The following TAF2 variants were observed in gnomAD, a reference collection of about 807,000 sequenced individuals.
TAF2 encodes TATA-box binding protein associated factor 2.
In TAF2, 61 loss-of-function variants were observed where a neutral mutation model predicts 138.5. The ratio of observed to expected loss-of-function variants is 0.44; its 90% CI spans 0.36 to 0.54. The LOEUF (loss-of-function observed/expected upper bound fraction) is 0.54. Ranked by LOEUF, TAF2 falls within the 20% of genes least tolerant of loss-of-function variation. TAF2 has a pLI of 0.00. For synonymous variants in TAF2, 475 were observed against 469.9 expected (o/e 1.01, Z -0.14); for missense variants, 1,090 against 1,427.9 (o/e 0.76, Z 3.81).
At chr8:119,806,446 T>A in intron 3 of TAF2, 45 bp from the exon 4 acceptor site, 1 of 1,401,842 alleles carries the variant, frequency 7.1e-7, no homozygotes, top group Non-Finnish European at 9.9e-7. Flanking sequence ...GCCATGTATC[T>A]TACCAAGCAT....
Position 119,794,349 on chromosome 8 carries a change from T to C in TAF2, c.1192-898A>G, listed in dbSNP as rs369187955. ...AGGCAGAGGTTGCAGTGAGCCGAGA[T>C]TGCGCCACTGCACTACAGCCTGAGC... On this transcript the variant is annotated intron_variant, in intron 9 of 25. Transcript: ENST00000378164. Among the ~76,000 whole-genome samples the C allele has an allele frequency of 1.6e-4, 24 of 151,596 alleles. No individual in the cohort carries two copies. The East Asian group carries it at 1.7e-3, about 11-fold the overall frequency.
At chr8:119,805,693 G>A (rs1311678486) in intron 4 of TAF2, among the ~76,000 whole-genome samples, 5 of 151,334 alleles carry the variant, frequency 3.3e-5, no homozygotes, top group African/African-American at 7.3e-5. Context: ...CAACAAGAGC[G>A]AAACTCCGTC....
chr8:119,774,051 A>G (rs1368776788), intron 18 of TAF2, among the ~76,000 whole-genome samples: 1 of 151,382 alleles, frequency 6.6e-6, no homozygotes, highest in Non-Finnish European at 1.5e-5. Context: ...GGTGCCTGTA[A>G]TCCCAGCTAC....
At chr8:119,745,070 T>C in intron 23 of TAF2, 1 of 455,862 alleles carries the variant, frequency 2.2e-6, no homozygotes. Context: ...ATTAGATTTC[T>C]GAAGACGAGT....
chr8:119,806,511 C>G, intron 3 of TAF2, 110 bp from the exon 4 acceptor site: 1 of 838,350 alleles, frequency 1.2e-6, no homozygotes, highest in Non-Finnish European at 1.9e-6. Context: ...ACTCTGTTGC[C>G]CAGGCCAGAG....
chr8:119,765,373 G>C (rs1335544867), intron 18 of TAF2, among the ~76,000 whole-genome samples: 1 of 152,120 alleles, frequency 6.6e-6, no homozygotes, highest in Non-Finnish European at 1.5e-5. Context: ...ATGAAACAAT[G>C]CATCCTATCA....
At chr8:119,806,209 T>C in intron 4 of TAF2, 74 bp downstream of exon 4, 1 of 1,250,500 alleles carries the variant, frequency 8.0e-7, no homozygotes, top group East Asian at 2.4e-5. Flanking sequence ...CATCATTAGT[T>C]CTCATGTAAA....
At chr8:119,766,493 G>A (rs966420109) in intron 18 of TAF2, among the ~76,000 whole-genome samples, 1 of 152,180 alleles carries the variant, frequency 6.6e-6, no homozygotes, top group African/African-American at 2.4e-5. Context: ...GTCTATGGAA[G>A]TTCTGCTTAC....
At chr8:119,756,140 T>G (rs2131040400) in intron 21 of TAF2, 25 bp from the exon 22 acceptor site, 1 of 1,584,994 alleles carries the variant, frequency 6.3e-7, no homozygotes, top group Non-Finnish European at 8.7e-7. Context: ...AAAATTAAAT[T>G]TTTGCTGACC....
intron 23 of TAF2, 31 bp downstream of exon 23, chr8:119,746,674 C>G: frequency 1.2e-6 from 2 of 1,602,300 alleles, no homozygotes; most frequent in Non-Finnish European, 1.7e-6. Flanking sequence ...TATAATGAAA[C>G]TACGTCTTCT....
Position 119,788,294 on chromosome 8 carries a change from T to A in TAF2, c.1793+44A>T, listed in dbSNP as rs766286978. Reference sequence around the variant, plus strand: ...TATTTTGGCATTTTAGTCTGTGAGATTTGTAGTTTAACTTTCAATTTATAG... The same window carrying A: ...TATTTTGGCATTTTAGTCTGTGAGAATTGTAGTTTAACTTTCAATTTATAG... On this transcript the variant is annotated intron_variant, in intron 14 of 25. Coordinates refer to ENST00000378164, the MANE Select transcript of TAF2 (RefSeq NM_003184.4). 8 of 1,528,850 alleles carry A rather than the reference T, an allele frequency of 5.2e-6. No homozygotes were observed. In the African/African-American group the frequency reaches 6.8e-5, roughly 13 times the overall value. The allele number at this position is 1,528,850 out of a possible 1,614,324, so 94.7% of individuals were successfully genotyped here.
rs751811842 is a variant in TAF2, at chr8:119,788,400, A to G, written c.1731T>C (p.His577=). 3.1e-6 allele frequency: 5 copies of G among 1,613,578 alleles called. No homozygotes were observed. Among genetic ancestry groups the G allele is most frequent in the Non-Finnish European group, 4.2e-6 (5 of 1,179,866 alleles). The change falls in exon 14 of 26, where the codon CAT becomes CAC. Residue 577 remains histidine (H), a synonymous_variant. Coordinates refer to ENST00000378164, the MANE Select transcript of TAF2 (RefSeq NM_003184.4). ...TVQELDGSFN[H]TLQIEENSLK... is the part of the protein sequence containing the mutation. ...GGCTGTTTTCTTCAATTTGCAGTGT[A>G]TGATTGAAGGATCCATCTAACTCCT...
At position 119,826,222 on chromosome 8, in the gene TAF2, G is replaced by A. The variant is rs2011657619; in HGVS notation, c.138+5455C>T. Among the ~76,000 whole-genome samples the A allele has an allele frequency of 2.0e-5, 3 of 151,414 alleles. 1 individual carries two copies. The South Asian group carries it at 6.3e-4, about 32-fold the overall frequency. ...ACATGTATACCTATGTAACAAAACT[G>A]CACGTTCTGCACATGTAACCCAGAA... On this transcript the variant is annotated intron_variant, in intron 2 of 25. Coordinates refer to ENST00000378164, the MANE Select transcript of TAF2 (RefSeq NM_003184.4).
intron 18 of TAF2, among the ~76,000 whole-genome samples, chr8:119,770,075 A>T (rs1266454566): frequency 7.2e-6 from 1 of 139,554 alleles, no homozygotes; most frequent in Non-Finnish European, 1.6e-5. Flanking sequence ...TTTTTTTTTT[A>T]AATGAACAAA....
rs771251389 is a variant in TAF2, at chr8:119,801,835, T to C, written c.751A>G (p.Ile251Val). 2.5e-6 allele frequency: 4 copies of C among 1,614,184 alleles called. No individual in the cohort carries two copies. The highest frequency in any genetic ancestry group is 3.3e-4 in the Middle Eastern group (2 of 6,062). ...TCTACCAGTATTTCAAATGGTCCAA[T>C]GGCCAAGGAGATATTTGACGCTGCT... ...PTAASNISLA[I>V]GPFEILVDPY... Residue 251 changes from isoleucine (I) to valine (V), a missense_variant, in exon 6 of 26, where the codon ATT (isoleucine) becomes GTT (valine). Physicochemically the swap from Ile to Val is conservative, Grantham distance 29. Transcript: ENST00000378164.
At chr8:119,774,103 G>A (rs1318259349) in intron 18 of TAF2, among the ~76,000 whole-genome samples, 6 of 151,766 alleles carry the variant, frequency 4.0e-5, no homozygotes, top group Admixed American at 1.3e-4. Context: ...CCTGGCAGGC[G>A]GAGCTTGCAG....
chr8:119,791,277 T>C (rs773100815), intron 11 of TAF2, 47 bp downstream of exon 11: 4 of 1,601,332 alleles, frequency 2.5e-6, no homozygotes, highest in Non-Finnish European at 3.4e-6. Context: ...ATTATACACA[T>C]ACAGATCTTT....
At chr8:119,802,359 G>C (rs1406977365) in intron 5 of TAF2, among the ~76,000 whole-genome samples, 1 of 152,092 alleles carries the variant, frequency 6.6e-6, no homozygotes, top group African/African-American at 2.4e-5. Context: ...TTCATTTCTA[G>C]AAACTAAAAA....
intron 18 of TAF2, among the ~76,000 whole-genome samples, chr8:119,766,733 T>C (rs534193800): frequency 4.6e-5 from 7 of 151,988 alleles, no homozygotes; most frequent in African/African-American, 1.4e-4. Flanking sequence ...ACTCGGGAAG[T>C]TGAGGCAGGA....
Sources: gnomAD v4.1 joint callset for allele counts (sites outside exome capture counted in the v4.1 genomes callset) on GRCh38, gnomAD v4.1.1 for gene constraint, MANE v1.5 for transcripts, NCBI Gene and HGNC (gene_info 2026-07-23, HGNC 2026-07-21) for gene names.